Variants in CELSR1 observed in about 807,000 individuals in gnomAD.
CELSR1 encodes the protein adhesion G protein-coupled receptor C1.
Under a neutral mutation model 249.1 loss-of-function variants are expected in CELSR1, and 110 were observed. The observed-to-expected ratio is 0.44, with a 90% CI of 0.38 to 0.52. The LOEUF is 0.52. CELSR1 is among the 20% of genes least tolerant of loss of function. The pLI is 0.00. For missense variants in CELSR1, 4,109 were observed against 4,296.4 expected (o/e 0.96, Z 1.22); for synonymous variants, 2,113 against 1,900.0 (o/e 1.11, Z -2.92).
In CELSR1 at chr22:46,499,548, C is replaced by T. The variant is rs564998836; in HGVS notation, c.3544+34079G>A. Among the ~76,000 whole-genome samples the T allele has an allele frequency of 3.7e-4, 56 of 152,232 alleles. 1 individual carries two copies. The highest frequency in any genetic ancestry group is 1.3e-3 in the African/African-American group (54 of 41,516). On this transcript the variant is annotated intron_variant, in intron 1 of 34. Transcript: ENST00000674500. ...GATCAAGCTTTAAACACGATAAATC[C>T]ATCCAATTGTATATATCTATTTTCA... is the stretch of plus-strand genomic sequence containing the variant.
intron 5 of CELSR1, among the ~76,000 whole-genome samples, chr22:46,419,245 T>A (rs2079437981): frequency 6.6e-6 from 1 of 152,172 alleles, no homozygotes; most frequent in East Asian, 1.9e-4. Context: ...GAGGGGGGTC[T>A]TCTTGCCAAT....
intron 2 of CELSR1, among the ~76,000 whole-genome samples, chr22:46,459,277 C>T (rs900880786): frequency 2.0e-5 from 3 of 152,056 alleles, no homozygotes; most frequent in African/African-American, 7.3e-5. Context: ...AAAACCGAGT[C>T]CTAAGGCCAG....
chr22:46,461,265 G>T (rs1417523440), intron 2 of CELSR1, among the ~76,000 whole-genome samples: 1 of 152,208 alleles, frequency 6.6e-6, no homozygotes, highest in Non-Finnish European at 1.5e-5. Context: ...ATTCAAATTA[G>T]TCTCATGCCA....
intron 1 of CELSR1, among the ~76,000 whole-genome samples, chr22:46,487,519 T>A (rs1056761867): frequency 1.1e-5 from 1 of 95,182 alleles, no homozygotes; most frequent in Non-Finnish European, 2.1e-5. Context: ...CCAATTAGCA[T>A]GGTGAGCCCC....
intron 1 of CELSR1, among the ~76,000 whole-genome samples, chr22:46,501,732 C>T (rs2080468304): frequency 6.6e-6 from 1 of 152,206 alleles, no homozygotes; most frequent in Non-Finnish European, 1.5e-5. Context: ...CCCTTCAACA[C>T]TGACATCTCA....
Position 46,363,226 on chromosome 22 carries a change from A to C in CELSR1, c.9057T>G (p.Ile3019Met). 3 of 1,591,274 alleles carry C rather than the reference A, an allele frequency of 1.9e-6. No individual in the cohort carries two copies. The highest frequency in any genetic ancestry group is 2.5e-6 in the Non-Finnish European group (3 of 1,178,100). ...TTGAAGTTTCATTACTGATGGTTCA[A>C]ATTGAAGTTTCATTACTGCCTCTGC... ...SDSEGSNETSI is the reference protein window; with the variant it reads ...SDSEGSNETSM Residue 3019 changes from isoleucine (I) to methionine (M), a missense_variant, in exon 35 of 35, where the codon ATT becomes ATG. Ile to Met is a conservative substitution (Grantham distance 10, BLOSUM62 1). This residue lies in a region of CELSR1 where 1,805 missense variants were observed against 1,831.6 expected (regional missense o/e 0.99). Transcript: ENST00000674500. The surrounding 1 kb of genome is among the most constrained non-coding windows in gnomAD (Gnocchi z 4.3).
chr22:46,465,634 C>T (rs139449428), intron 1 of CELSR1, among the ~76,000 whole-genome samples: 10 of 152,340 alleles, frequency 6.6e-5, no homozygotes, highest in Admixed American at 3.9e-4. Flanking sequence ...CAGGTGGCTC[C>T]GCACCCGGCG....
chr22:46,517,777 C>T lies in CELSR1; in HGVS notation c.3544+15850G>A, dbSNP rs2080643279. Among the ~76,000 whole-genome samples the T allele has an allele frequency of 6.6e-6, 1 of 152,176 alleles. No homozygotes were observed. Among genetic ancestry groups the T allele is most frequent in the Non-Finnish European group, 1.5e-5 (1 of 68,036 alleles). On this transcript the variant is annotated intron_variant, in intron 1 of 34. Transcript: ENST00000674500. The surrounding 1 kb of genome is among the most constrained non-coding windows in gnomAD (Gnocchi z 5.4). ...AGCGAGGGCTGCATTGAAGAGGCGA[C>T]TCCCATGGCTATGGCACTTGGCATT...
chr22:46,379,209 G>A (rs2078951370), intron 22 of CELSR1, among the ~76,000 whole-genome samples: 1 of 152,188 alleles, frequency 6.6e-6, no homozygotes, highest in Non-Finnish European at 1.5e-5. Context: ...TCTTCAGATT[G>A]CACAATGTTT....
At position 46,382,023 on chromosome 22, in the gene CELSR1, C is replaced by A. The variant is rs763097945; in HGVS notation, c.6911G>T (p.Arg2304Leu). The change falls in exon 21 of 35, where the codon CGG (arginine) becomes CTG (leucine). Residue 2304 changes from arginine (R) to leucine (L), a missense_variant. Arg to Leu is a moderately radical substitution (Grantham distance 102). Coordinates refer to ENST00000674500, the MANE Select transcript of CELSR1 (RefSeq NM_001378328.1). ...GCGCGTGGTCTGCGGGGTGGTCCTC[C>A]GGCCAGCCGGCCTCAGCAGGGGGCC... ...KEGPLLRPAG[R>L]RTTPQTTRPG... 1.3e-6 allele frequency: 2 copies of A among 1,549,600 alleles called. No homozygotes were observed. Among genetic ancestry groups the A allele is most frequent in the East Asian group, 2.4e-5 (1 of 41,406 alleles).
Position 46,429,707 on chromosome 22 carries a change from G to C in CELSR1, c.4611+3686C>G, listed in dbSNP as rs1359857159. Among the ~76,000 whole-genome samples the C allele has an allele frequency of 1.3e-5, 2 of 152,240 alleles. No individual in the cohort carries two copies. Among genetic ancestry groups the C allele is most frequent in the Non-Finnish European group, 2.9e-5 (2 of 68,040 alleles). On this transcript the variant is annotated intron_variant, in intron 5 of 34. Coordinates refer to ENST00000674500, the MANE Select transcript of CELSR1 (RefSeq NM_001378328.1). The surrounding 1 kb of genome is among the most constrained non-coding windows in gnomAD (Gnocchi z 4.1). ...GTGGGGAGCCAGACGGGAGGATAGA[G>C]TGAGGGAGGGGAGGGGTGTCAGGAG...
At chr22:46,438,597 A>C (rs2079695912) in intron 3 of CELSR1, among the ~76,000 whole-genome samples, 1 of 152,214 alleles carries the variant, frequency 6.6e-6, no homozygotes, top group Non-Finnish European at 1.5e-5. Flanking sequence ...AGACATACAG[A>C]ATCTGACAAG....
chr22:46,378,869 C>G (rs1446350915), intron 22 of CELSR1, 152 bp from the exon 23 acceptor site: 1 of 1,000,524 alleles, frequency 1.0e-6, no homozygotes, highest in Non-Finnish European at 1.4e-6. Flanking sequence ...CCAGCGCCCT[C>G]GCAGGCTGCT....
At chr22:46,438,416 C>T (rs942005163) in intron 3 of CELSR1, among the ~76,000 whole-genome samples, 3 of 152,184 alleles carry the variant, frequency 2.0e-5, no homozygotes, top group Non-Finnish European at 4.4e-5. Context: ...CTGCCCACAG[C>T]CCCCACTGCT....
chr22:46,504,504 CAAA>C (rs11341314), intron 1 of CELSR1, among the ~76,000 whole-genome samples: 2 of 109,286 alleles, frequency 1.8e-5, no homozygotes, highest in Admixed American at 9.6e-5. Flanking sequence ...CATCTGTCTC[CAAA>C]AAAAAAAAAA....
Position 46,402,347 on chromosome 22 carries a change from G to C in CELSR1, c.5227-2445C>G, listed in dbSNP as rs2079218495. On this transcript the variant is annotated intron_variant, in intron 9 of 34. Transcript: ENST00000674500. This position sits in a 1 kb window ranked among gnomAD's most constrained non-coding sequence, Gnocchi z 5.0. The stretch of plus-strand genomic sequence containing the variant: ...TTCTCCTGCCTCAGCCTCCCGAGTA[G>C]CTGAGATACAGGTACCCACCACCAC... Among the ~76,000 whole-genome samples the C allele has an allele frequency of 6.6e-6, 1 of 151,822 alleles. No individual in the cohort carries two copies. Among genetic ancestry groups the C allele is most frequent in the Non-Finnish European group, 1.5e-5 (1 of 67,986 alleles).
Position 46,393,913 on chromosome 22 carries a change from G to A in CELSR1, c.5964+229C>T, listed in dbSNP as rs150444801. Among the ~76,000 whole-genome samples the A allele has an allele frequency of 9.3e-3, 1,417 of 152,294 alleles. 25 individuals carry two copies. Among genetic ancestry groups the A allele is most frequent in the African/African-American group, 0.029 (1,216 of 41,558 alleles). ...GGCGGGGGCTGGCAGGGCTGAACCC[G>A]TAGTTTACACGTGGAAAGCAGCCAT... On this transcript the variant is annotated intron_variant, in intron 14 of 34. Transcript: ENST00000674500. The surrounding 1 kb of genome is among the most constrained non-coding windows in gnomAD (Gnocchi z 4.1).
chr22:46,521,773 C>T (rs942015198), intron 1 of CELSR1, among the ~76,000 whole-genome samples: 7 of 152,242 alleles, frequency 4.6e-5, no homozygotes, highest in African/African-American at 1.2e-4. Context: ...GCCAAGATCG[C>T]GCCATTGCAC....
At position 46,412,776 on chromosome 22, in the gene CELSR1, G is replaced by A. The variant is rs1162769545; in HGVS notation, c.4612-1017C>T. Among the ~76,000 whole-genome samples the A allele has an allele frequency of 1.3e-5, 2 of 152,208 alleles. No individual in the cohort carries two copies. Among genetic ancestry groups the A allele is most frequent in the Non-Finnish European group, 2.9e-5 (2 of 68,038 alleles). On this transcript the variant is annotated intron_variant, in intron 5 of 34. Transcript: ENST00000674500. The surrounding 1 kb of genome is among the most constrained non-coding windows in gnomAD (Gnocchi z 4.5). The stretch of plus-strand genomic sequence containing the variant: ...CTGGCCACGGAACTTAAGCATGTGG[G>A]TCTCAAAGTTCCAGAAACACAGTTG...
Sources: allele counts gnomAD v4.1 joint callset (sites outside exome capture counted in the v4.1 genomes callset), GRCh38; gene constraint gnomAD v4.1.1; regional missense constraint gnomAD v4.1.1; non-coding constraint Gnocchi (gnomAD v3.1); transcripts MANE v1.5; gene names NCBI Gene and HGNC (gene_info 2026-07-23, HGNC 2026-07-21).